Variants in ACTR3C observed in about 807,000 individuals in gnomAD.
ACTR3C encodes the protein actin-related protein 3C.
ACTR3C carries 18 observed loss-of-function variants against 26.3 expected under a neutral mutation model. The observed-to-expected ratio is 0.68, with a 90% CI of 0.47 to 1.01. The LOEUF (loss-of-function observed/expected upper bound fraction) is 1.01, where lower values mean the gene tolerates loss of function less well. Ranked by LOEUF, ACTR3C falls within the 50% of genes least tolerant of loss-of-function variation. The pLI, the probability that ACTR3C is intolerant of heterozygous loss-of-function variation, is 0.00. For synonymous variants in ACTR3C, 55 were observed against 94.5 expected (o/e 0.58, Z 2.42); for missense variants, 184 against 250.7 (o/e 0.73, Z 1.80).
At chr7:150,056,377 A>G in the ACTR3C span, among the ~76,000 whole-genome samples, 1 of 152,200 alleles carries the variant, frequency 6.6e-6, no homozygotes, top group African/African-American at 2.4e-5. Context: ...CTTGTGGGTA[A>G]TTTAATTCAC....
At chr7:150,316,056 G>C (rs550017961) in intron 1 of ACTR3C, among the ~76,000 whole-genome samples, 2 of 152,290 alleles carry the variant, frequency 1.3e-5, no homozygotes, top group South Asian at 2.1e-4. Context: ...AATTAGCTGG[G>C]CATCGTGGCA....
chr7:150,188,905 G>A, the ACTR3C span, among the ~76,000 whole-genome samples: 1 of 149,314 alleles, frequency 6.7e-6, no homozygotes, highest in Non-Finnish European at 1.5e-5. Flanking sequence ...TCAAAAATAT[G>A]TGTATGCATA....
chr7:150,114,239 T>C, the ACTR3C span, among the ~76,000 whole-genome samples: 1 of 152,290 alleles, frequency 6.6e-6, no homozygotes, highest in South Asian at 2.1e-4. Flanking sequence ...CGGCAGGATT[T>C]TCATGGTCCT....
chr7:150,048,178 T>C, the ACTR3C span, among the ~76,000 whole-genome samples: 3,408 of 151,632 alleles, frequency 0.022, 129 homozygotes, highest in African/African-American at 0.079. Flanking sequence ...ATCAAAGAGA[T>C]TGAAGGAAGA....
At chr7:149,967,665 T>A in the ACTR3C span, among the ~76,000 whole-genome samples, 1 of 152,168 alleles carries the variant, frequency 6.6e-6, no homozygotes, top group East Asian at 1.9e-4. Flanking sequence ...CAAAACTGAC[T>A]CAGGCTAGCT....
chr7:150,314,835 C>T (rs1171353631), intron 1 of ACTR3C, among the ~76,000 whole-genome samples: 1 of 149,622 alleles, frequency 6.7e-6, no homozygotes, highest in African/African-American at 2.4e-5. Context: ...ACCTGTAGTC[C>T]CAGCTACTCA....
At chr7:149,943,386 C>T in the ACTR3C span, among the ~76,000 whole-genome samples, 1 of 151,546 alleles carries the variant, frequency 6.6e-6, no homozygotes, top group Non-Finnish European at 1.5e-5. Context: ...AAGCACCCAT[C>T]TTTATCAATG....
At chr7:150,132,160 T>C in the ACTR3C span, among the ~76,000 whole-genome samples, 1,070 of 152,170 alleles carry the variant, frequency 7.0e-3, 12 homozygotes, top group African/African-American at 0.024. Flanking sequence ...GGAGTGGTGG[T>C]AGGAAATTCA....
At chr7:150,131,552 G>C in the ACTR3C span, among the ~76,000 whole-genome samples, 2 of 152,126 alleles carry the variant, frequency 1.3e-5, no homozygotes, top group East Asian at 3.9e-4. Context: ...AAAAATGGCT[G>C]AATCTTAGCC....
At chr7:150,198,806 G>T in the ACTR3C span, among the ~76,000 whole-genome samples, 1 of 147,788 alleles carries the variant, frequency 6.8e-6, no homozygotes, top group African/African-American at 2.6e-5. Context: ...AGGGAGGTGG[G>T]GGGGTCAGCC....
downstream of ACTR3C, among the ~76,000 whole-genome samples, chr7:150,242,740 A>G (rs1262844797): frequency 6.6e-6 from 1 of 152,160 alleles, no homozygotes; most frequent in East Asian, 1.9e-4. Flanking sequence ...TCCTAAGCCT[A>G]AAGAGTGATT....
At chr7:150,041,229 A>AG in the ACTR3C span, 1 of 150,686 alleles carries the variant, frequency 6.6e-6, no homozygotes, top group African/African-American at 2.5e-5. Context: ...ACCTCATACA[A>AG]AGGCTTGGCT....
the ACTR3C span, among the ~76,000 whole-genome samples, chr7:150,087,653 G>T: frequency 6.6e-6 from 1 of 152,170 alleles, no homozygotes; most frequent in Non-Finnish European, 1.5e-5. Context: ...GCTGGAATAT[G>T]CAGGGTTGAT....
At chr7:150,146,683 C>G in the ACTR3C span, among the ~76,000 whole-genome samples, 1 of 152,122 alleles carries the variant, frequency 6.6e-6, no homozygotes, top group Non-Finnish European at 1.5e-5. Flanking sequence ...TCCGGGGATG[C>G]CTTCTGAGAA....
the ACTR3C span, among the ~76,000 whole-genome samples, chr7:150,009,300 T>A: frequency 2.0e-5 from 3 of 152,176 alleles, no homozygotes; most frequent in Admixed American, 6.5e-5. Context: ...GACATAAGAA[T>A]CTGTCCTCCA....
the ACTR3C span, among the ~76,000 whole-genome samples, chr7:149,908,091 C>T: frequency 0.012 from 1,870 of 151,946 alleles, 40 homozygotes; most frequent in African/African-American, 0.043. Flanking sequence ...GAGAAAGAGA[C>T]ACCAGCGAGG....
the ACTR3C span, among the ~76,000 whole-genome samples, chr7:150,034,811 C>T: frequency 2.5e-3 from 367 of 145,868 alleles, no homozygotes; most frequent in Non-Finnish European, 4.4e-3. Flanking sequence ...GTCCCCGCCT[C>T]GTGGGGGGTG....
the ACTR3C span, among the ~76,000 whole-genome samples, chr7:150,154,468 C>T: frequency 6.6e-6 from 1 of 151,614 alleles, no homozygotes; most frequent in Admixed American, 6.6e-5. Flanking sequence ...ATCACAGAAA[C>T]CAAGGCATTT....
chr7:149,967,315 A>G, the ACTR3C span, among the ~76,000 whole-genome samples: 21 of 151,978 alleles, frequency 1.4e-4, no homozygotes, highest in South Asian at 4.2e-4. Context: ...GATTACAGGC[A>G]TAAGCCACGG....
Sources: allele counts gnomAD v4.1 joint callset (sites outside exome capture counted in the v4.1 genomes callset), GRCh38; gene constraint gnomAD v4.1.1; transcripts MANE v1.5; gene names NCBI Gene and HGNC (gene_info 2026-07-23, HGNC 2026-07-21).